Variants in QTMAN observed in about 807,000 individuals in gnomAD.
QTMAN encodes queuosine-tRNA mannosyltransferase, also known as tRNA-queuosine alpha-mannosyltransferase.
the QTMAN span, among the ~76,000 whole-genome samples, chr2:144,134,659 A>G: frequency 6.6e-6 from 1 of 152,134 alleles, no homozygotes; most frequent in Non-Finnish European, 1.5e-5. Context: ...ATTCTGTTGT[A>G]GTGATCATAG....
At chr2:144,117,567 C>T in the QTMAN span, among the ~76,000 whole-genome samples, 6,736 of 152,206 alleles carry the variant, frequency 0.044, 495 homozygotes, top group African/African-American at 0.15. Flanking sequence ...CATTAAATAG[C>T]ATAAAATACT....
the QTMAN span, among the ~76,000 whole-genome samples, chr2:143,948,944 C>T: frequency 6.6e-6 from 1 of 151,852 alleles, no homozygotes; most frequent in Non-Finnish European, 1.5e-5. Context: ...GTACATGTCT[C>T]GACAATACAA....
At chr2:144,166,596 T>C in the QTMAN span, among the ~76,000 whole-genome samples, 5 of 152,210 alleles carry the variant, frequency 3.3e-5, no homozygotes, top group African/African-American at 7.2e-5. Context: ...TTTGGTCACA[T>C]TGTCATTTAT....
the QTMAN span, among the ~76,000 whole-genome samples, chr2:144,246,828 A>G: frequency 6.6e-6 from 1 of 152,060 alleles, no homozygotes; most frequent in African/African-American, 2.4e-5. Context: ...TGACATCCTT[A>G]TACCCAGACA....
chr2:144,217,608 G>C, the QTMAN span, among the ~76,000 whole-genome samples: 1 of 151,854 alleles, frequency 6.6e-6, no homozygotes, highest in African/African-American at 2.4e-5. Context: ...CAATTTTTTT[G>C]TTAGAATCTC....
chr2:144,293,985 T>C, the QTMAN span, among the ~76,000 whole-genome samples: 2 of 152,228 alleles, frequency 1.3e-5, no homozygotes, highest in South Asian at 2.1e-4. Context: ...TACATGCCAA[T>C]GGAGAATTTT....
chr2:144,170,482 T>C, the QTMAN span, among the ~76,000 whole-genome samples: 10 of 152,188 alleles, frequency 6.6e-5, no homozygotes, highest in Admixed American at 5.9e-4. Context: ...GTTTGCATCA[T>C]AGCTGAGGAA....
At chr2:144,212,730 C>T in the QTMAN span, among the ~76,000 whole-genome samples, 1 of 152,100 alleles carries the variant, frequency 6.6e-6, no homozygotes, top group Admixed American at 6.5e-5. Context: ...CTTAAACAAG[C>T]TTCAGTTAAA....
the QTMAN span, chr2:144,145,824 C>G: frequency 8.9e-7 from 1 of 1,123,432 alleles, no homozygotes; most frequent in Admixed American, 2.2e-5. Flanking sequence ...TTCCTCTTCC[C>G]ACCCCAAGAA....
chr2:144,101,446 A>C, the QTMAN span, among the ~76,000 whole-genome samples: 2 of 152,084 alleles, frequency 1.3e-5, no homozygotes, highest in African/African-American at 4.8e-5. Flanking sequence ...CTAATTGTTA[A>C]AAAGATAGCC....
At chr2:144,189,732 G>A in the QTMAN span, among the ~76,000 whole-genome samples, 3 of 151,856 alleles carry the variant, frequency 2.0e-5, 1 homozygote, top group African/African-American at 4.8e-5. Context: ...CAATTCTCCC[G>A]CCTCAGCCTC....
At chr2:144,145,193 T>C in the QTMAN span, among the ~76,000 whole-genome samples, 1 of 151,528 alleles carries the variant, frequency 6.6e-6, no homozygotes, top group African/African-American at 2.4e-5. Flanking sequence ...TGTAAAACTC[T>C]ATTTTGATTT....
At chr2:144,292,382 A>G in the QTMAN span, among the ~76,000 whole-genome samples, 1 of 152,164 alleles carries the variant, frequency 6.6e-6, no homozygotes, top group Non-Finnish European at 1.5e-5. Context: ...TTTTTCTAAC[A>G]GTTACTTAAG....
the QTMAN span, among the ~76,000 whole-genome samples, chr2:143,989,579 G>A: frequency 6.6e-6 from 1 of 152,114 alleles, no homozygotes; most frequent in Non-Finnish European, 1.5e-5. Flanking sequence ...AGCAGAACGT[G>A]AATAAACGCA....
At chr2:144,038,969 A>G in the QTMAN span, among the ~76,000 whole-genome samples, 26 of 152,274 alleles carry the variant, frequency 1.7e-4, no homozygotes, top group African/African-American at 5.5e-4. Context: ...CGAATACACA[A>G]CTGAGATTTT....
the QTMAN span, among the ~76,000 whole-genome samples, chr2:144,262,595 AGAGAG>A: frequency 1.0e-5 from 1 of 99,020 alleles, no homozygotes; most frequent in Non-Finnish European, 2.0e-5. Flanking sequence ...ATGAAAGGGG[AGAGAG>A]GAGGGGAGGG....
the QTMAN span, among the ~76,000 whole-genome samples, chr2:144,073,084 A>G: frequency 6.6e-6 from 1 of 152,240 alleles, no homozygotes; most frequent in Non-Finnish European, 1.5e-5. Context: ...ACAGCACTGT[A>G]TGCATAAATT....
the QTMAN span, among the ~76,000 whole-genome samples, chr2:143,989,549 G>C: frequency 6.6e-6 from 1 of 152,124 alleles, no homozygotes; most frequent in Non-Finnish European, 1.5e-5. Context: ...CATGGAGGAG[G>C]GACGGCATTG....
the QTMAN span, among the ~76,000 whole-genome samples, chr2:144,133,150 T>TATATAA: frequency 5.2e-5 from 2 of 38,484 alleles, no homozygotes; most frequent in African/African-American, 2.3e-4. Context: ...TATATATATA[T>TATATAA]AATATAATAT....
Sources: gnomAD v4.1 joint callset for allele counts (sites outside exome capture counted in the v4.1 genomes callset) on GRCh38, gnomAD v4.1.1 for gene constraint, MANE v1.5 for transcripts, NCBI Gene and HGNC (gene_info 2026-07-23, HGNC 2026-07-21) for gene names.